Variants in MAN1A1 observed in about 807,000 individuals in gnomAD.
MAN1A1 encodes mannosidase alpha class 1A member 1, also known as mannosyl-oligosaccharide 1,2-alpha-mannosidase IA.
MAN1A1 carries 29 observed loss-of-function variants against 70.8 expected under a neutral mutation model. The ratio of observed to expected loss-of-function variants is 0.41; its 90% CI spans 0.31 to 0.56. The LOEUF (loss-of-function observed/expected upper bound fraction) is 0.56. Among genes scored for constraint, MAN1A1 ranks in the 20% least tolerant of loss-of-function variants. The pLI is 0.29. For missense variants in MAN1A1, 747 were observed against 841.3 expected, an observed-to-expected ratio of 0.89 and a Z score of 1.39; for synonymous variants, 349 against 330.1, an observed-to-expected ratio of 1.06 and a Z score of -0.62.
In MAN1A1 at chr6:119,331,570, CATATATAT is replaced by C. The variant is rs10562938; in HGVS notation, c.603+16885_603+16892del. Among the ~76,000 whole-genome samples, 308 of 117,964 alleles carry C rather than the reference CATATATAT, an allele frequency of 2.6e-3. 1 individual carries two copies. Among genetic ancestry groups the C allele is most frequent in the South Asian group, 0.013 (45 of 3,586 alleles). 77.4% of individuals were successfully genotyped at this position (117,964 alleles called of 152,430 possible). On this transcript the variant is annotated intron_variant, in intron 2 of 12. Transcript: ENST00000368468. ...CGCACATAACCATGTACATATTATGCATATATATATATATATATATATATATATAATCA... is the reference window on the plus strand; with the variant it reads ...CGCACATAACCATGTACATATTATGCATATATATATATATATATATAATCA...
intron 2 of MAN1A1, among the ~76,000 whole-genome samples, chr6:119,344,454 G>GTCC (rs1335822736): frequency 6.6e-6 from 1 of 152,132 alleles, no homozygotes; most frequent in Non-Finnish European, 1.5e-5. Flanking sequence ...AACACTCCAT[G>GTCC]TCCTCCCTGC....
chr6:119,308,908 T>C (rs1468077037), intron 2 of MAN1A1, among the ~76,000 whole-genome samples: 1 of 152,222 alleles, frequency 6.6e-6, no homozygotes, highest in African/African-American at 2.4e-5. Context: ...TGATCACTTA[T>C]ACAATGTACC....
chr6:119,211,870 C>G (rs374552184), intron 6 of MAN1A1, among the ~76,000 whole-genome samples: 2 of 137,732 alleles, frequency 1.5e-5, no homozygotes, highest in South Asian at 4.5e-4. Flanking sequence ...GAGATGGAGT[C>G]TCGCTCTGTC....
At position 119,230,538 on chromosome 6, in the gene MAN1A1, C is replaced by T. The variant is rs151290474; in HGVS notation, c.992+17722G>A. ...CTGGACCATCCACTCTCTTCTCTTCCCCTAGCTCTCATCTACACATCCCCT... is the reference window on the plus strand; with the variant it reads ...CTGGACCATCCACTCTCTTCTCTTCTCCTAGCTCTCATCTACACATCCCCT... On this transcript the variant is annotated intron_variant, in intron 6 of 12. Coordinates refer to ENST00000368468, the MANE Select transcript of MAN1A1 (RefSeq NM_005907.4). Among the ~76,000 whole-genome samples, 109 of 152,284 alleles carry T rather than the reference C, an allele frequency of 7.2e-4. 1 individual carries two copies. In the East Asian group the frequency reaches 0.012, roughly 17 times the overall value.
At chr6:119,241,939 T>G (rs1277995540) in intron 6 of MAN1A1, among the ~76,000 whole-genome samples, 1 of 110,264 alleles carries the variant, frequency 9.1e-6, no homozygotes, top group Non-Finnish European at 1.9e-5. Context: ...TATGTGTGTG[T>G]GTGTATGTAT....
At chr6:119,276,332 A>C (rs978265857) in intron 5 of MAN1A1, among the ~76,000 whole-genome samples, 1 of 152,216 alleles carries the variant, frequency 6.6e-6, no homozygotes, top group Non-Finnish European at 1.5e-5. Context: ...TTATCATGTA[A>C]ATCTTACGAA....
chr6:119,280,436 A>G (rs1475794581), intron 5 of MAN1A1, among the ~76,000 whole-genome samples: 2 of 152,208 alleles, frequency 1.3e-5, no homozygotes, highest in African/African-American at 4.8e-5. Flanking sequence ...ACATTTGTCA[A>G]TGGGGACTGT....
intron 5 of MAN1A1, among the ~76,000 whole-genome samples, chr6:119,288,534 T>C (rs1776444189): frequency 6.6e-6 from 1 of 151,910 alleles, no homozygotes; most frequent in African/African-American, 2.4e-5. Context: ...CCGGATCACA[T>C]TCCTAATGGC....
chr6:119,226,491 C>A (rs1774518116), intron 6 of MAN1A1, among the ~76,000 whole-genome samples: 1 of 152,090 alleles, frequency 6.6e-6, no homozygotes, highest in Admixed American at 6.5e-5. Context: ...TGAAATCAAA[C>A]AAACAAAAAA....
At chr6:119,218,262 T>C (rs1047967831) in intron 6 of MAN1A1, among the ~76,000 whole-genome samples, 6 of 152,166 alleles carry the variant, frequency 3.9e-5, no homozygotes, top group Admixed American at 1.3e-4. Context: ...GTGTTCTGGG[T>C]TCTGTACCCT....
chr6:119,309,392 T>C (rs1240204569), intron 2 of MAN1A1, among the ~76,000 whole-genome samples: 1 of 152,226 alleles, frequency 6.6e-6, no homozygotes, highest in Admixed American at 6.5e-5. Context: ...TTTTGTAGTA[T>C]TAAGCCATTA....
At chr6:119,268,500 C>G (rs1208851630) in intron 5 of MAN1A1, among the ~76,000 whole-genome samples, 2 of 152,066 alleles carry the variant, frequency 1.3e-5, no homozygotes, top group African/African-American at 2.4e-5. Context: ...AACAGATGGC[C>G]CACTCAGAAG....
At chr6:119,301,518 T>C (rs1212372134) in intron 4 of MAN1A1, among the ~76,000 whole-genome samples, 1 of 152,202 alleles carries the variant, frequency 6.6e-6, no homozygotes, top group African/African-American at 2.4e-5. Flanking sequence ...TTTGAATCTT[T>C]CTTTACGGGA....
chr6:119,233,725 T>TGGATG (rs1178471214), intron 6 of MAN1A1, among the ~76,000 whole-genome samples: 5 of 152,236 alleles, frequency 3.3e-5, no homozygotes, highest in Non-Finnish European at 7.3e-5. Context: ...TTGGTGCTTC[T>TGGATG]GTGAAAGGTG....
intron 6 of MAN1A1, among the ~76,000 whole-genome samples, chr6:119,209,081 A>AC (rs1317120256): frequency 3.9e-5 from 3 of 76,420 alleles, no homozygotes; most frequent in African/African-American, 1.5e-4. Context: ...ATAGAGTAAG[A>AC]CCCCGTCTCA....
intron 2 of MAN1A1, among the ~76,000 whole-genome samples, chr6:119,314,051 C>T (rs1004750538): frequency 7.9e-5 from 12 of 152,118 alleles, no homozygotes; most frequent in East Asian, 1.9e-4. Flanking sequence ...TACAGGCACG[C>T]GTCTAGAACT....
intron 5 of MAN1A1, among the ~76,000 whole-genome samples, chr6:119,286,295 A>C (rs1311522104): frequency 2.0e-5 from 3 of 152,156 alleles, no homozygotes; most frequent in African/African-American, 2.4e-5. Context: ...ACTCTAAAAA[A>C]TCAATTTCTA....
intron 5 of MAN1A1, among the ~76,000 whole-genome samples, chr6:119,261,790 A>G (rs772883484): frequency 6.6e-6 from 1 of 152,216 alleles, no homozygotes; most frequent in Non-Finnish European, 1.5e-5. Flanking sequence ...CATTACATGT[A>G]TATGTTTTCT....
chr6:119,253,742 T>C (rs901553527), intron 5 of MAN1A1, among the ~76,000 whole-genome samples: 1 of 152,228 alleles, frequency 6.6e-6, no homozygotes, highest in African/African-American at 2.4e-5. Flanking sequence ...AAACAACAAC[T>C]ACTTTTGCAT....
Sources: allele counts gnomAD v4.1 joint callset (sites outside exome capture counted in the v4.1 genomes callset), GRCh38; gene constraint gnomAD v4.1.1; transcripts MANE v1.5; gene names NCBI Gene and HGNC (gene_info 2026-07-23, HGNC 2026-07-21).